Variants in DIAPH2 observed in about 807,000 individuals in gnomAD.
DIAPH2 encodes protein diaphanous homolog 2.
A neutral mutation model predicts 92.7 loss-of-function variants in DIAPH2; 35 were observed. The ratio of observed to expected loss-of-function variants is 0.38; its 90% confidence interval spans 0.29 to 0.50. The LOEUF (loss-of-function observed/expected upper bound fraction) is 0.50, where lower values mean the gene tolerates loss of function less well. DIAPH2 is among the 20% of genes least tolerant of loss of function. The pLI is 0.94. For synonymous variants in DIAPH2, 301 were observed against 280.4 expected (o/e 1.07, Z -0.73); for missense variants, 701 against 819.5 (o/e 0.86, Z 1.77).
rs150970679 is a variant in DIAPH2 at position 97,504,517 on chromosome X, T to C, written c.3241+74772T>C. On this transcript the variant is annotated intron_variant, in intron 26 of 26. Coordinates refer to ENST00000324765, the MANE Select transcript of DIAPH2 (RefSeq NM_006729.5). ...GCAGCAAGGGAAGATTATAATGTCA[T>C]TGGCTGTCAAAATGCCCTTTTCATG... 2.7e-3 allele frequency among the ~76,000 whole-genome samples: 305 copies of C among 112,400 alleles called. 2 individuals carry two copies. The highest frequency in any genetic ancestry group is 9.2e-3 in the African/African-American group (284 of 30,987).
chrX:97,058,916 T>C (rs781573505), intron 17 of DIAPH2, among the ~76,000 whole-genome samples: 1 of 111,811 alleles, frequency 8.9e-6, no homozygotes, highest in South Asian at 3.7e-4. Flanking sequence ...ATTAATTAAG[T>C]AGGGCAGCAT....
At chrX:96,970,644 A>G (rs956399082) in intron 17 of DIAPH2, among the ~76,000 whole-genome samples, 9 of 110,064 alleles carry the variant, frequency 8.2e-5, no homozygotes, top group African/African-American at 3.0e-4. Context: ...TTCTTTTTTA[A>G]TCTAGGTAGC....
chrX:97,160,567 G>A (rs2067361793), intron 22 of DIAPH2, among the ~76,000 whole-genome samples: 1 of 111,970 alleles, frequency 8.9e-6, no homozygotes, highest in Non-Finnish European at 1.9e-5. Flanking sequence ...TGGCTGCCCA[G>A]TATCCCACTG....
At chrX:97,075,563 A>C (rs1331021354) in intron 19 of DIAPH2, among the ~76,000 whole-genome samples, 1 of 111,546 alleles carries the variant, frequency 9.0e-6, no homozygotes, top group East Asian at 2.8e-4. Flanking sequence ...GTACTTCATC[A>C]CCAAAATGGC....
At chrX:97,179,344 C>T (rs1454800091) in intron 22 of DIAPH2, among the ~76,000 whole-genome samples, 1 of 107,785 alleles carries the variant, frequency 9.3e-6, no homozygotes, top group African/African-American at 3.4e-5. Context: ...CACCTATTAA[C>T]CCATCATCTA....
chrX:96,858,139 T>A (rs1356058000), intron 4 of DIAPH2, among the ~76,000 whole-genome samples: 1 of 112,298 alleles, frequency 8.9e-6, no homozygotes, highest in Non-Finnish European at 1.9e-5. Flanking sequence ...TTACATATAT[T>A]GACAAAACTC....
intron 23 of DIAPH2, among the ~76,000 whole-genome samples, chrX:97,338,915 G>C (rs1874627735): frequency 9.0e-6 from 1 of 111,603 alleles, no homozygotes; most frequent in Non-Finnish European, 1.9e-5. Context: ...ATCAGTTAGA[G>C]GGCAAGGGGG....
intron 26 of DIAPH2, among the ~76,000 whole-genome samples, chrX:97,434,979 G>A (rs1450054437): frequency 9.0e-6 from 1 of 111,334 alleles, no homozygotes; most frequent in Non-Finnish European, 1.9e-5. Flanking sequence ...TCACTAAGGG[G>A]CTAAAAGAAG....
At chrX:97,165,094 A>T (rs1396281860) in intron 22 of DIAPH2, among the ~76,000 whole-genome samples, 1 of 112,593 alleles carries the variant, frequency 8.9e-6, no homozygotes, top group Non-Finnish European at 1.9e-5. Context: ...AGTGGATGTG[A>T]TCACTACCCC....
intron 26 of DIAPH2, among the ~76,000 whole-genome samples, chrX:97,491,270 G>C (rs1435849071): frequency 1.8e-5 from 2 of 111,347 alleles, no homozygotes; most frequent in African/African-American, 6.5e-5. Flanking sequence ...ATCTTTTTCT[G>C]TCTCTTTACT....
At chrX:96,768,262 A>T (rs901058138) in intron 4 of DIAPH2, among the ~76,000 whole-genome samples, 3 of 112,167 alleles carry the variant, frequency 2.7e-5, no homozygotes, top group Non-Finnish European at 3.8e-5. Flanking sequence ...AATTTTAAAT[A>T]AGAGGTAATT....
At chrX:97,188,304 C>T (rs1180480115) in intron 22 of DIAPH2, among the ~76,000 whole-genome samples, 1 of 111,252 alleles carries the variant, frequency 9.0e-6, no homozygotes, top group Non-Finnish European at 1.9e-5. Context: ...GAAGAATAAG[C>T]TGCTATCAGG....
At chrX:97,181,398 GT>G (rs1275496816) in intron 22 of DIAPH2, among the ~76,000 whole-genome samples, 5 of 109,972 alleles carry the variant, frequency 4.5e-5, no homozygotes, top group Non-Finnish European at 9.5e-5. Flanking sequence ...GAGTATATGT[GT>G]TGTTGTTGTT....
intron 21 of DIAPH2, among the ~76,000 whole-genome samples, chrX:97,120,627 T>G (rs2067050575): frequency 9.8e-6 from 1 of 101,641 alleles, no homozygotes; most frequent in South Asian, 4.7e-4. Context: ...TTTTTTTTTT[T>G]TTTTTTTTTT....
rs191381592 is a variant in DIAPH2 at position 97,373,051 on chromosome X, C to T, written c.3010-10858C>T. Among the ~76,000 whole-genome samples, 8 of 111,725 alleles carry T rather than the reference C, an allele frequency of 7.2e-5. No individual in the cohort carries two copies. The East Asian group carries it at 1.7e-3, about 24-fold the overall frequency. ...CAAGTATCTCATTCAAAACAAATGCCTCATTTTCAAAATTAGAACACTTCT... is the reference window on the plus strand; with the variant it reads ...CAAGTATCTCATTCAAAACAAATGCTTCATTTTCAAAATTAGAACACTTCT... On this transcript the variant is annotated intron_variant, in intron 24 of 26. Transcript: ENST00000324765.
At chrX:97,566,133 C>A (rs758435127) in intron 26 of DIAPH2, among the ~76,000 whole-genome samples, 1 of 111,850 alleles carries the variant, frequency 8.9e-6, no homozygotes, top group Admixed American at 9.5e-5. Context: ...CAGACTAATG[C>A]GTGTTTTCCA....
chrX:96,990,096 T>C lies in DIAPH2; in HGVS notation c.2050+24889T>C, dbSNP rs1483712333. Among the ~76,000 whole-genome samples, 4 of 112,285 alleles carry C rather than the reference T, an allele frequency of 3.6e-5. No individual in the cohort carries two copies. In the Admixed American group the frequency reaches 3.8e-4, roughly 11 times the overall value. ...CAGACTATACTGGATTCTGGTTTGC[T>C]CAGTTATTCCTTCCTTATTCTGAGA... On this transcript the variant is annotated intron_variant, in intron 17 of 26. Coordinates refer to ENST00000324765, the MANE Select transcript of DIAPH2 (RefSeq NM_006729.5).
chrX:97,180,407 C>G (rs996709015), intron 22 of DIAPH2, among the ~76,000 whole-genome samples: 3 of 111,600 alleles, frequency 2.7e-5, no homozygotes, highest in East Asian at 2.8e-4. Context: ...GATATCAGAC[C>G]TTTGTCACAT....
intron 1 of DIAPH2, among the ~76,000 whole-genome samples, chrX:96,711,878 T>C (rs1053797778): frequency 8.9e-6 from 1 of 111,766 alleles, no homozygotes; most frequent in Non-Finnish European, 1.9e-5. Flanking sequence ...TTTTCTGTTC[T>C]TGCACAGGGT....
Sources: gnomAD v4.1 joint callset for allele counts (sites outside exome capture counted in the v4.1 genomes callset) on GRCh38, gnomAD v4.1.1 for gene constraint, MANE v1.5 for transcripts, NCBI Gene and HGNC (gene_info 2026-07-23, HGNC 2026-07-21) for gene names.